Variants in RBFOX1 observed in about 807,000 individuals in gnomAD.
The protein encoded by RBFOX1 is RNA binding fox-1 homolog 1.
A neutral mutation model predicts 57.7 loss-of-function variants in RBFOX1; 8 were observed. That is an observed-to-expected ratio of 0.14 (90% CI 0.08 to 0.25). The LOEUF (loss-of-function observed/expected upper bound fraction) is 0.25, where lower values mean the gene tolerates loss of function less well. Among genes scored for constraint, RBFOX1 ranks in the 10% least tolerant of loss-of-function variants. The pLI is 1.00. For missense variants in RBFOX1, 611 were observed against 548.5 expected, an observed-to-expected ratio of 1.11 and a Z score of -1.14; for synonymous variants, 326 against 222.4, an observed-to-expected ratio of 1.47 and a Z score of -4.15.
At chr16:7,343,022 G>A (rs905377618) in intron 4 of RBFOX1, among the ~76,000 whole-genome samples, 2 of 152,152 alleles carry the variant, frequency 1.3e-5, no homozygotes, top group African/African-American at 4.8e-5. Context: ...GTTGCAGGAC[G>A]GGGAGGGTGG....
At position 5,549,822 on chromosome 16, in the gene RBFOX1, A is replaced by T. The variant is rs76596386; in HGVS notation, c.259-49080A>T. On this transcript the variant is annotated intron_variant, in intron 2 of 2. Coordinates refer to the RBFOX1 transcript ENST00000585867. ...GATGTCTGAAGGAATGTAGTTTGTGAGTTACTGGGAAGGATGGAAGCAGTG... is the reference window on the plus strand; with the variant it reads ...GATGTCTGAAGGAATGTAGTTTGTGTGTTACTGGGAAGGATGGAAGCAGTG... Among the ~76,000 whole-genome samples, 885 of 152,228 alleles carry T rather than the reference A, an allele frequency of 5.8e-3. 7 individuals are homozygous for T. Among genetic ancestry groups the T allele is most frequent in the African/African-American group, 0.02 (827 of 41,534 alleles).
chr16:5,709,510 A>C lies in RBFOX1; in HGVS notation c.318+110549A>C, dbSNP rs373416003. Among the ~76,000 whole-genome samples, 39 of 152,028 alleles carry C rather than the reference A, an allele frequency of 2.6e-4. 2 individuals are homozygous for C. In the South Asian group the frequency reaches 8.1e-3, roughly 32 times the overall value. ...TATCCTAGGGTAAGTCTTCAGCAAG[A>C]CAAATGGATGATCTTGGCCTGTATG... On this transcript the variant is annotated intron_variant, in intron 3 of 19. Coordinates refer to the RBFOX1 transcript ENST00000641259.
chr16:6,670,511 G>C (rs970242711), intron 3 of RBFOX1, among the ~76,000 whole-genome samples: 1 of 152,086 alleles, frequency 6.6e-6, no homozygotes, highest in African/African-American at 2.4e-5. Flanking sequence ...GAAGAGCTAA[G>C]GATATAACAG....
intron 4 of RBFOX1, among the ~76,000 whole-genome samples, chr16:7,309,860 G>T (rs1220135822): frequency 1.3e-5 from 2 of 152,214 alleles, no homozygotes; most frequent in Non-Finnish European, 1.5e-5. Flanking sequence ...GCTGACAGGT[G>T]TGGGTGTAAT....
intron 3 of RBFOX1, among the ~76,000 whole-genome samples, chr16:6,919,884 C>G (rs974958802): frequency 2.0e-5 from 3 of 150,768 alleles, no homozygotes; most frequent in Non-Finnish European, 4.4e-5. Flanking sequence ...GCACCCATCA[C>G]CTGAGCAGTG....
chr16:6,889,652 C>A (rs1181093802), intron 3 of RBFOX1, among the ~76,000 whole-genome samples: 9 of 152,166 alleles, frequency 5.9e-5, no homozygotes, highest in Non-Finnish European at 1.0e-4. Context: ...CATCCTCAAT[C>A]CACCAGCTTC....
intron 4 of RBFOX1, among the ~76,000 whole-genome samples, chr16:7,264,634 C>T (rs746436848): frequency 5.9e-5 from 9 of 152,132 alleles, no homozygotes; most frequent in Admixed American, 2.6e-4. Flanking sequence ...GATTTATGGA[C>T]ACTGGAATTT....
At chr16:6,467,675 C>G (rs776592922) in intron 2 of RBFOX1, among the ~76,000 whole-genome samples, 1 of 152,104 alleles carries the variant, frequency 6.6e-6, no homozygotes, top group African/African-American at 2.4e-5. Context: ...TAAGAGAAAG[C>G]CCGAGACTGC....
chr16:6,366,121 G>C (rs982137646), intron 2 of RBFOX1, among the ~76,000 whole-genome samples: 1 of 150,938 alleles, frequency 6.6e-6, no homozygotes, highest in Non-Finnish European at 1.5e-5. Flanking sequence ...GTGTGTGTGT[G>C]TGTCTGCCTG....
At chr16:6,279,555 G>A (rs2076170635) in intron 1 of RBFOX1, among the ~76,000 whole-genome samples, 1 of 152,196 alleles carries the variant, frequency 6.6e-6, no homozygotes, top group Non-Finnish European at 1.5e-5. Flanking sequence ...TGATACGCTT[G>A]TGTAAGTCTC....
chr16:6,622,164 A>G (rs1166026770), intron 2 of RBFOX1, among the ~76,000 whole-genome samples: 1 of 152,192 alleles, frequency 6.6e-6, no homozygotes, highest in African/African-American at 2.4e-5. Context: ...TGATAGCACA[A>G]AATATTGCTG....
intron 1 of RBFOX1, among the ~76,000 whole-genome samples, chr16:5,368,925 C>G (rs73516659): frequency 0.044 from 6,756 of 152,272 alleles, 448 homozygotes; most frequent in African/African-American, 0.15. Flanking sequence ...TCTCTCTCCT[C>G]AATTCTCACT....
intron 4 of RBFOX1, among the ~76,000 whole-genome samples, chr16:7,103,404 A>C (rs1217330645): frequency 6.6e-6 from 1 of 152,162 alleles, no homozygotes; most frequent in East Asian, 1.9e-4. Context: ...GCCCATTTCT[A>C]CACAGAACCT....
At chr16:7,216,868 C>T (rs867193026) in intron 4 of RBFOX1, among the ~76,000 whole-genome samples, 1 of 152,098 alleles carries the variant, frequency 6.6e-6, no homozygotes, top group Admixed American at 6.6e-5. Context: ...TTTATTCATT[C>T]TTTTCAATCA....
At chr16:5,811,140 C>T (rs963829626) in intron 3 of RBFOX1, among the ~76,000 whole-genome samples, 1 of 123,414 alleles carries the variant, frequency 8.1e-6, no homozygotes, top group African/African-American at 3.2e-5. Context: ...TCTTATGGAA[C>T]AAATTTTTTT....
At chr16:6,029,154 G>T (rs771662074) in intron 1 of RBFOX1, among the ~76,000 whole-genome samples, 22 of 152,214 alleles carry the variant, frequency 1.4e-4, no homozygotes, top group African/African-American at 4.6e-4. Flanking sequence ...GATACAAAAG[G>T]TTCCCTAGTT....
chr16:7,579,643 T>A (rs2093601648), intron 5 of RBFOX1, 134 bp from the exon 6 acceptor site: 1 of 1,065,720 alleles, frequency 9.4e-7, no homozygotes, highest in Admixed American at 2.3e-5. Flanking sequence ...CATGCATGCA[T>A]GCGTCAGCAT....
chr16:5,375,497 G>C (rs1343422923), intron 1 of RBFOX1, among the ~76,000 whole-genome samples: 1 of 152,186 alleles, frequency 6.6e-6, no homozygotes, highest in African/African-American at 2.4e-5. Context: ...TCTGTGGGGA[G>C]GGCCAGGGGG....
At chr16:6,619,090 C>G (rs868699751) in intron 2 of RBFOX1, among the ~76,000 whole-genome samples, 2 of 151,776 alleles carry the variant, frequency 1.3e-5, no homozygotes, top group African/African-American at 2.4e-5. Flanking sequence ...GGTTGCATAC[C>G]AATTAAAATG....
Sources: allele counts gnomAD v4.1 joint callset (sites outside exome capture counted in the v4.1 genomes callset), GRCh38; gene constraint gnomAD v4.1.1; transcripts MANE v1.5; gene names NCBI Gene and HGNC (gene_info 2026-07-23, HGNC 2026-07-21).